The following HAO1 variants were observed in gnomAD, a reference collection of about 807,000 sequenced individuals.
HAO1 encodes the protein hydroxyacid oxidase 1, also known as 2-Hydroxyacid oxidase 1.
HAO1 carries 34 observed loss-of-function variants against 39.7 expected under a neutral mutation model. The observed-to-expected ratio is 0.86, with a 90% CI of 0.65 to 1.14. The LOEUF (loss-of-function observed/expected upper bound fraction) is 1.14, where lower values mean the gene tolerates loss of function less well. Ranked by LOEUF, HAO1 falls within the 50% of genes most tolerant of loss-of-function variation. The probability of loss-of-function intolerance (pLI) is 0.00; values close to 1 mark genes in which losing one functional copy is unlikely to be tolerated. For synonymous variants in HAO1, 172 were observed against 173.2 expected, an observed-to-expected ratio of 0.99 and a Z score of 0.05; for missense variants, 479 against 464.5, an observed-to-expected ratio of 1.03 and a Z score of -0.29.
At chr20:7,933,619 G>A (rs984815252) in intron 2 of HAO1, among the ~76,000 whole-genome samples, 4 of 152,152 alleles carry the variant, frequency 2.6e-5, no homozygotes, top group South Asian at 2.1e-4. Context: ...ATTTCAAGAA[G>A]GGAAGTGAAT....
In HAO1 at chr20:7,922,016, C is replaced by T. The variant is rs536258454; in HGVS notation, c.290-7597G>A. Among the ~76,000 whole-genome samples the T allele has an allele frequency of 5.3e-5, 8 of 152,104 alleles. No homozygotes were observed. The South Asian group carries it at 1.7e-3, about 32-fold the overall frequency. On this transcript the variant is annotated intron_variant, in intron 2 of 7. Transcript: ENST00000378789. ...TACCTGTTTGGAATTGTGGTCACTA[C>T]CTAGGTGATGGATTCATTTGCACTC...
At chr20:7,920,360 C>T (rs78977713) in intron 2 of HAO1, among the ~76,000 whole-genome samples, 3,764 of 152,192 alleles carry the variant, frequency 0.025, 66 homozygotes, top group Middle Eastern at 0.041. Context: ...TACTTAGTCT[C>T]GGGCAGTTCC....
At chr20:7,934,678 C>A in intron 1 of HAO1, 43 bp from the exon 2 acceptor site, 2 of 1,290,164 alleles carry the variant, frequency 1.6e-6, no homozygotes, top group South Asian at 1.5e-5. Context: ...TTTAGAGTTT[C>A]AGAATCATAA....
chr20:7,935,706 A>G (rs1487417105), intron 1 of HAO1, among the ~76,000 whole-genome samples: 3 of 152,240 alleles, frequency 2.0e-5, no homozygotes, highest in Admixed American at 6.5e-5. Flanking sequence ...AAAATTACCA[A>G]TAAACCAGCA....
At chr20:7,926,606 A>C (rs1253628867) in intron 2 of HAO1, among the ~76,000 whole-genome samples, 1 of 152,128 alleles carries the variant, frequency 6.6e-6, no homozygotes, top group African/African-American at 2.4e-5. Flanking sequence ...AAATCCAGAA[A>C]ATTCAACAGC....
chr20:7,928,766 G>A (rs2050372748), intron 2 of HAO1, among the ~76,000 whole-genome samples: 1 of 152,142 alleles, frequency 6.6e-6, no homozygotes, highest in Non-Finnish European at 1.5e-5. Flanking sequence ...TAAATCAGAT[G>A]TCCCAGATGT....
chr20:7,883,692 G>T, intron 7 of HAO1, 29 bp from the exon 8 acceptor site: 4 of 1,400,154 alleles, frequency 2.9e-6, no homozygotes, highest in Non-Finnish European at 4.1e-6. Flanking sequence ...CATTTAATAT[G>T]AACTGAATGC....
chr20:7,932,194 T>C (rs1291975318), intron 2 of HAO1, among the ~76,000 whole-genome samples: 1 of 152,156 alleles, frequency 6.6e-6, no homozygotes, highest in Non-Finnish European at 1.5e-5. Context: ...CCTTCCACCA[T>C]GATTGTAAGT....
chr20:7,934,955 T>A (rs34334468), intron 1 of HAO1, among the ~76,000 whole-genome samples: 13,569 of 152,234 alleles, frequency 0.089, 966 homozygotes, highest in East Asian at 0.31. Context: ...ACAATCAAGA[T>A]CTAGAAAAAG....
rs1443206365 is a variant in HAO1, at chr20:7,938,299, A to G, written c.137+1987T>C. Among the ~76,000 whole-genome samples the G allele has an allele frequency of 4.6e-5, 7 of 152,210 alleles. No homozygotes were observed. In the South Asian group the frequency reaches 6.2e-4, roughly 14 times the overall value. ...CGAGTCATACAGCAAAAGAGGACAC[A>G]TTGCAAAATGTATTGCAATAAAAAC... On this transcript the variant is annotated intron_variant, in intron 1 of 7. Coordinates refer to ENST00000378789, the MANE Select transcript of HAO1 (RefSeq NM_017545.3).
At chr20:7,906,027 G>A in intron 4 of HAO1, 127 bp downstream of exon 4, 1 of 723,432 alleles carries the variant, frequency 1.4e-6, no homozygotes, top group Admixed American at 2.3e-5. Context: ...ACAGAGAATT[G>A]AGAGTTGGAA....
At chr20:7,912,650 T>C (rs1481564368) in intron 3 of HAO1, among the ~76,000 whole-genome samples, 2 of 152,124 alleles carry the variant, frequency 1.3e-5, no homozygotes, top group Non-Finnish European at 2.9e-5. Flanking sequence ...GGAATTTGAA[T>C]CCATCAGCTT....
chr20:7,892,513 T>A (rs1314129073), intron 5 of HAO1, among the ~76,000 whole-genome samples: 2 of 152,214 alleles, frequency 1.3e-5, no homozygotes, highest in Admixed American at 1.3e-4. Flanking sequence ...ACAATTGGTC[T>A]ATGAATGTCA....
At chr20:7,893,820 C>T (rs543852276) in intron 5 of HAO1, among the ~76,000 whole-genome samples, 3 of 152,108 alleles carry the variant, frequency 2.0e-5, no homozygotes, top group African/African-American at 7.2e-5. Context: ...GCTGGCTCTG[C>T]GTGAATTAAA....
Position 7,939,512 on chromosome 20 carries a change from G to A in HAO1, c.137+774C>T, listed in dbSNP as rs949026183. ...TCAATGAGTACCCACAATACCGATT[G>A]CCTTTACTAACAGCCATAATGTTAG... is the stretch of plus-strand genomic sequence containing the variant. On this transcript the variant is annotated intron_variant, in intron 1 of 7. Coordinates refer to ENST00000378789, the MANE Select transcript of HAO1 (RefSeq NM_017545.3). 5.9e-5 allele frequency among the ~76,000 whole-genome samples: 9 copies of A among 152,082 alleles called. No individual in the cohort carries two copies. The South Asian group carries it at 1.9e-3, about 32-fold the overall frequency.
intron 7 of HAO1, among the ~76,000 whole-genome samples, chr20:7,884,887 G>A (rs766753259): frequency 5.3e-5 from 8 of 152,166 alleles, no homozygotes; most frequent in Non-Finnish European, 1.2e-4. Context: ...ACTGGGAGAG[G>A]GGAGATAGGT....
chr20:7,930,758 G>A (rs2050381980), intron 2 of HAO1, among the ~76,000 whole-genome samples: 1 of 152,140 alleles, frequency 6.6e-6, no homozygotes, highest in Non-Finnish European at 1.5e-5. Flanking sequence ...TACATCATTA[G>A]CTAGGGAACC....
chr20:7,936,378 T>G (rs1416811619), intron 1 of HAO1, among the ~76,000 whole-genome samples: 1 of 152,104 alleles, frequency 6.6e-6, no homozygotes, highest in Non-Finnish European at 1.5e-5. Flanking sequence ...GTTATTAGAA[T>G]GAGAGAAAAC....
At chr20:7,934,432 G>A in intron 2 of HAO1, 52 bp downstream of exon 2, 2 of 1,429,790 alleles carry the variant, frequency 1.4e-6, no homozygotes, top group Non-Finnish European at 1.9e-6. Context: ...AGAGAAGGAG[G>A]TCGATAAACG....
Sources: gnomAD v4.1 joint callset for allele counts (sites outside exome capture counted in the v4.1 genomes callset) on GRCh38, gnomAD v4.1.1 for gene constraint, MANE v1.5 for transcripts, NCBI Gene and HGNC (gene_info 2026-07-23, HGNC 2026-07-21) for gene names.